CCDC146: variants seen among roughly 807,000 people sequenced by gnomAD.
The protein encoded by CCDC146 is coiled-coil domain-containing protein 146.
Under a neutral mutation model 119.3 loss-of-function variants are expected in CCDC146, and 92 were observed. The ratio of observed to expected loss-of-function variants is 0.77; its 90% confidence interval spans 0.65 to 0.92. The LOEUF (loss-of-function observed/expected upper bound fraction) is 0.92, where lower values mean the gene tolerates loss of function less well. CCDC146 is among the 40% of genes least tolerant of loss of function. The pLI, the probability that CCDC146 is intolerant of heterozygous loss-of-function variation, is 0.00. For missense variants in CCDC146, 1,000 were observed against 1,103.0 expected, an observed-to-expected ratio of 0.91 and a Z score of 1.32; for synonymous variants, 372 against 371.8, an observed-to-expected ratio of 1.00 and a Z score of -0.01.
chr7:77,152,934 A>C (rs144455686), intron 1 of CCDC146, among the ~76,000 whole-genome samples: 9,209 of 152,174 alleles, frequency 0.061, 311 homozygotes, highest in Non-Finnish European at 0.092. Flanking sequence ...TTTAATCCTC[A>C]CAATAACACT....
At chr7:77,197,055 A>G (rs931299999) in intron 2 of CCDC146, 4 of 949,344 alleles carry the variant, frequency 4.2e-6, no homozygotes, top group East Asian at 2.4e-5. Flanking sequence ...AATTCTTTAT[A>G]TGTACAAAAG....
intron 2 of CCDC146, chr7:77,199,827 G>T (rs201533690): frequency 1.1e-5 from 17 of 1,594,946 alleles, no homozygotes; most frequent in Non-Finnish European, 1.4e-5. Flanking sequence ...CAGGGAGTGC[G>T]CAGGGCTGGA....
intron 2 of CCDC146, among the ~76,000 whole-genome samples, chr7:77,209,434 C>A (rs939648663): frequency 6.6e-6 from 1 of 152,240 alleles, no homozygotes; most frequent in Non-Finnish European, 1.5e-5. Flanking sequence ...ACCCCTGTGG[C>A]TCTGCAGAGT....
In CCDC146 at chr7:77,238,871, G is replaced by A. The variant is rs539798023; in HGVS notation, c.239+1842G>A. Among the ~76,000 whole-genome samples the A allele has an allele frequency of 7.2e-5, 11 of 152,288 alleles. No homozygotes were observed. The East Asian group carries it at 1.7e-3, about 24-fold the overall frequency. The stretch of plus-strand genomic sequence containing the variant: ...ACTATTTCTTCCTCTTCCAGGTTGT[G>A]TTGCAAAACAGTTAACTTCCCTTCT... On this transcript the variant is annotated intron_variant, in intron 3 of 18. Coordinates refer to ENST00000285871, the MANE Select transcript of CCDC146 (RefSeq NM_020879.3).
intron 2 of CCDC146, among the ~76,000 whole-genome samples, chr7:77,192,860 T>C (rs542572707): frequency 1.2e-4 from 18 of 151,990 alleles, no homozygotes; most frequent in African/African-American, 3.9e-4. Context: ...GAGGCAGAGG[T>C]TGCAGTGAGC....
At chr7:77,211,126 A>G (rs551046020) in intron 2 of CCDC146, among the ~76,000 whole-genome samples, 2 of 152,194 alleles carry the variant, frequency 1.3e-5, no homozygotes, top group African/African-American at 4.8e-5. Context: ...AGTAACCACC[A>G]CCCAGGTCAA....
chr7:77,247,477 A>T (rs1792975540), intron 4 of CCDC146, among the ~76,000 whole-genome samples: 1 of 152,246 alleles, frequency 6.6e-6, no homozygotes, highest in Admixed American at 6.5e-5. Context: ...CAAGCTCTAA[A>T]AGCAAAGGCA....
rs187892609 is a variant in CCDC146, at chr7:77,126,666, G to T, written c.-12+3934G>T. ...CAGGTTGTCTCTGAAGCTCTCGGCA[G>T]AGACGGTAGCTCCTTTCTGCAGCTG... On this transcript the variant is annotated intron_variant, in intron 1 of 18. Coordinates refer to ENST00000285871, the MANE Select transcript of CCDC146 (RefSeq NM_020879.3). Among the ~76,000 whole-genome samples, 581 of 152,182 alleles carry T rather than the reference G, an allele frequency of 3.8e-3. 10 individuals are homozygous for T. Among genetic ancestry groups the T allele is most frequent in the African/African-American group, 0.013 (542 of 41,436 alleles).
chr7:77,249,690 C>T (rs1793022455), intron 4 of CCDC146, among the ~76,000 whole-genome samples: 1 of 151,810 alleles, frequency 6.6e-6, no homozygotes, highest in African/African-American at 2.4e-5. Flanking sequence ...ATATATGTGT[C>T]TTTATATTTA....
intron 2 of CCDC146, among the ~76,000 whole-genome samples, chr7:77,172,916 T>C (rs1470625047): frequency 6.6e-6 from 1 of 152,150 alleles, no homozygotes; most frequent in Non-Finnish European, 1.5e-5. Flanking sequence ...TCAAATCTCT[T>C]GTCCTTCAGG....
intron 1 of CCDC146, among the ~76,000 whole-genome samples, chr7:77,130,579 GCATAATATC>G (rs1790766906): frequency 6.6e-6 from 1 of 150,524 alleles, no homozygotes; most frequent in Non-Finnish European, 1.5e-5. Context: ...TTCATAGCCA[GCATAATATC>G]CTTTCTTTCT....
intron 2 of CCDC146, among the ~76,000 whole-genome samples, chr7:77,180,091 T>C (rs962141060): frequency 1.3e-5 from 2 of 152,080 alleles, no homozygotes; most frequent in Non-Finnish European, 2.9e-5. Context: ...CAATATACCA[T>C]ATATATGCAC....
rs575084127 is a variant in CCDC146 at position 77,274,583 on chromosome 7, C to T, written c.1371C>T (p.Asn457=). 1.2e-6 allele frequency: 2 copies of T among 1,613,284 alleles called. No individual in the cohort carries two copies. The highest frequency in any genetic ancestry group is 3.3e-5 in the Admixed American group (2 of 59,944). ...EQENMKELVV[N]LLRMTQIKID... ...AAAACATGAAAGAGCTAGTAGTCAA[C>T]CTTCTCCGCATGACTCAAATCAAAA... Residue 457 remains asparagine, a synonymous_variant, in exon 11 of 19, where the codon AAC becomes AAT. Coordinates refer to ENST00000285871, the MANE Select transcript of CCDC146 (RefSeq NM_020879.3).
At chr7:77,211,533 C>T (rs1256437898) in intron 2 of CCDC146, among the ~76,000 whole-genome samples, 1 of 152,040 alleles carries the variant, frequency 6.6e-6, no homozygotes, top group Non-Finnish European at 1.5e-5. Context: ...TGTACATGCA[C>T]CTTGAAGGGT....
At chr7:77,199,799 CA>C (rs748505262) in intron 2 of CCDC146, 7 of 1,611,604 alleles carry the variant, frequency 4.3e-6, no homozygotes, top group Non-Finnish European at 5.9e-6. Flanking sequence ...TTCATCTTTA[CA>C]GTGCTGCTCA....
At chr7:77,197,307 A>C (rs1791892686) in intron 2 of CCDC146, among the ~76,000 whole-genome samples, 1 of 152,266 alleles carries the variant, frequency 6.6e-6, no homozygotes, top group East Asian at 1.9e-4. Flanking sequence ...CGTTCTAGGC[A>C]TGCTGCCAGA....
chr7:77,279,326 C>T (rs1793719141), intron 13 of CCDC146, among the ~76,000 whole-genome samples: 1 of 151,906 alleles, frequency 6.6e-6, no homozygotes, highest in Non-Finnish European at 1.5e-5. Flanking sequence ...ATTAGAAATC[C>T]AGAAAAAGCC....
intron 1 of CCDC146, among the ~76,000 whole-genome samples, chr7:77,125,225 G>A (rs1190371549): frequency 1.3e-5 from 2 of 151,326 alleles, no homozygotes; most frequent in Non-Finnish European, 2.9e-5. Context: ...TCCCAAATAA[G>A]ACAGTATTAC....
chr7:77,210,635 C>G (rs370054352), intron 2 of CCDC146, among the ~76,000 whole-genome samples: 1 of 152,152 alleles, frequency 6.6e-6, no homozygotes, highest in Admixed American at 6.6e-5. Context: ...TCTCTGGTAC[C>G]AATTTTCTGT....
Sources: gnomAD v4.1 joint callset for allele counts (sites outside exome capture counted in the v4.1 genomes callset) on GRCh38, gnomAD v4.1.1 for gene constraint, MANE v1.5 for transcripts, NCBI Gene and HGNC (gene_info 2026-07-23, HGNC 2026-07-21) for gene names.